LINGO2: variants seen among roughly 807,000 people sequenced by gnomAD.
LINGO2 encodes the protein leucine rich repeat and Ig domain containing 2, also known as leucine-rich repeat and immunoglobulin-like domain-containing nogo receptor-interacting protein 2.
A neutral mutation model predicts 30.6 loss-of-function variants in LINGO2; 14 were observed. The ratio of observed to expected loss-of-function variants is 0.46; its 90% confidence interval spans 0.30 to 0.72. The LOEUF (loss-of-function observed/expected upper bound fraction) is 0.72, where lower values mean the gene tolerates loss of function less well. LINGO2 is among the 30% of genes least tolerant of loss of function. LINGO2 has a pLI of 0.07. For synonymous variants in LINGO2, 317 were observed against 288.5 expected (o/e 1.10, Z -1.00); for missense variants, 729 against 751.7 (o/e 0.97, Z 0.35).
At chr9:28,530,496 A>G (rs1490775319) in intron 1 of LINGO2, among the ~76,000 whole-genome samples, 1 of 152,182 alleles carries the variant, frequency 6.6e-6, no homozygotes, top group African/African-American at 2.4e-5. Context: ...CAGAGTAAAC[A>G]TAACGGCCCC....
intron 1 of LINGO2, among the ~76,000 whole-genome samples, chr9:28,578,447 TA>T (rs1343714371): frequency 1.7e-4 from 26 of 152,276 alleles, no homozygotes; most frequent in South Asian, 6.2e-4. Context: ...AATAGCTTCA[TA>T]AAGATTAACA....
At chr9:27,950,704 G>A in exon 6 of LINGO2, 1 of 1,477,590 alleles carries the variant, frequency 6.8e-7, no homozygotes, top group Non-Finnish European at 9.0e-7. Flanking sequence ...CTTGGTCACG[G>A]GTCTGCATGG....
At chr9:29,035,159 T>G in the LINGO2 span, among the ~76,000 whole-genome samples, 2 of 151,974 alleles carry the variant, frequency 1.3e-5, no homozygotes, top group African/African-American at 4.8e-5. Context: ...TGCTATAATA[T>G]CTCGAAAATT....
chr9:28,479,855 G>GTT, intron 1 of LINGO2, among the ~76,000 whole-genome samples: 1 of 60,552 alleles, frequency 1.7e-5, no homozygotes, highest in African/African-American at 5.0e-5. Flanking sequence ...CTGTGTGTGT[G>GTT]TGTGTGTGTG....
chr9:28,959,594 T>TCC, the LINGO2 span, among the ~76,000 whole-genome samples: 264 of 134,988 alleles, frequency 2.0e-3, 3 homozygotes, highest in African/African-American at 7.6e-3. Flanking sequence ...TTTATCTCTC[T>TCC]CTCTCTCTCT....
intron 1 of LINGO2, among the ~76,000 whole-genome samples, chr9:28,617,202 T>G (rs1826167451): frequency 6.6e-6 from 1 of 152,162 alleles, no homozygotes; most frequent in Non-Finnish European, 1.5e-5. Context: ...GACTAATTAG[T>G]TTCATGATTA....
the LINGO2 span, among the ~76,000 whole-genome samples, chr9:28,844,029 A>G: frequency 5.3e-5 from 8 of 151,948 alleles, no homozygotes; most frequent in African/African-American, 1.7e-4. Context: ...AGCTATATCA[A>G]CACCTTGTAT....
At chr9:28,958,121 AG>A in the LINGO2 span, among the ~76,000 whole-genome samples, 1 of 152,152 alleles carries the variant, frequency 6.6e-6, no homozygotes, top group African/African-American at 2.4e-5. Context: ...GTGCAATCGT[AG>A]TAGCCAACAG....
intron 1 of LINGO2, among the ~76,000 whole-genome samples, chr9:28,646,367 C>A (rs755797269): frequency 6.6e-6 from 1 of 152,046 alleles, no homozygotes; most frequent in African/African-American, 2.4e-5. Flanking sequence ...CACATCACGG[C>A]TAAAGCTCCT....
chr9:28,035,240 A>T (rs1356330669), intron 4 of LINGO2, among the ~76,000 whole-genome samples: 1 of 152,110 alleles, frequency 6.6e-6, no homozygotes, highest in African/African-American at 2.4e-5. Flanking sequence ...CTGTTTAATG[A>T]TTTATGCTTC....
chr9:28,718,731 A>G, the LINGO2 span, among the ~76,000 whole-genome samples: 10 of 152,176 alleles, frequency 6.6e-5, no homozygotes, highest in Non-Finnish European at 1.3e-4. Context: ...TTACTGGCAT[A>G]CTTAACTCAT....
chr9:29,145,544 T>C, the LINGO2 span, among the ~76,000 whole-genome samples: 2,043 of 148,172 alleles, frequency 0.014, 20 homozygotes, highest in Non-Finnish European at 0.024. Flanking sequence ...GTAAATGCCA[T>C]ATTCATGATA....
At chr9:28,430,096 A>G (rs972626514) in intron 2 of LINGO2, among the ~76,000 whole-genome samples, 1 of 66,970 alleles carries the variant, frequency 1.5e-5, no homozygotes, top group South Asian at 3.9e-4. Flanking sequence ...GCTGATTTCC[A>G]CGCGCGCGCG....
the LINGO2 span, among the ~76,000 whole-genome samples, chr9:28,735,129 A>C: frequency 6.6e-6 from 1 of 152,038 alleles, no homozygotes; most frequent in Non-Finnish European, 1.5e-5. Context: ...ATTTTTCTGC[A>C]GTATTGTTTA....
At chr9:29,105,766 G>A in the LINGO2 span, among the ~76,000 whole-genome samples, 1 of 152,082 alleles carries the variant, frequency 6.6e-6, no homozygotes, top group African/African-American at 2.4e-5. Flanking sequence ...AAAGAGTCAT[G>A]AACTACCTAT....
At chr9:29,090,232 C>T in the LINGO2 span, among the ~76,000 whole-genome samples, 3 of 152,054 alleles carry the variant, frequency 2.0e-5, 1 homozygote, top group Non-Finnish European at 4.4e-5. Flanking sequence ...ATTCCTGATA[C>T]ACATCATGCT....
At chr9:29,131,058 C>G in the LINGO2 span, among the ~76,000 whole-genome samples, 1 of 152,170 alleles carries the variant, frequency 6.6e-6, no homozygotes, top group African/African-American at 2.4e-5. Flanking sequence ...GTTACTGTAA[C>G]CTGGATAATA....
chr9:28,904,418 T>C, the LINGO2 span, among the ~76,000 whole-genome samples: 1 of 152,006 alleles, frequency 6.6e-6, no homozygotes. Flanking sequence ...AAGTTGTTGT[T>C]TTTGTTTGCA....
chr9:27,985,394 T>A lies in LINGO2; in HGVS notation c.-36+26961A>T, dbSNP rs191732869. Among the ~76,000 whole-genome samples the A allele has an allele frequency of 4.1e-3, 623 of 152,024 alleles. 2 individuals are homozygous for A. The highest frequency in any genetic ancestry group is 0.014 in the African/African-American group (593 of 41,528). ...ATAAAAGGTTAGGATATCCCCGATT[T>A]TCTCCTCTTGTTTTCATATTCAGTT... On this transcript the variant is annotated intron_variant, in intron 5 of 5. Coordinates refer to ENST00000379992, the Ensembl canonical transcript of LINGO2.
Sources: gnomAD v4.1 joint callset for allele counts (sites outside exome capture counted in the v4.1 genomes callset) on GRCh38, gnomAD v4.1.1 for gene constraint, MANE v1.5 for transcripts, NCBI Gene and HGNC (gene_info 2026-07-23, HGNC 2026-07-21) for gene names.